Variants in FEZ2 observed in about 807,000 individuals in gnomAD.
FEZ2 encodes fasciculation and elongation protein zeta-2.
Under a neutral mutation model 40.4 loss-of-function variants are expected in FEZ2, and 51 were observed. The ratio of observed to expected loss-of-function variants is 1.26; its 90% confidence interval spans 1.01 to 1.59. The LOEUF is 1.59. Among genes scored for constraint, FEZ2 ranks in the 40% most tolerant of loss-of-function variants. FEZ2 has a pLI of 0.00. For synonymous variants in FEZ2, 242 were observed against 172.0 expected, an observed-to-expected ratio of 1.41 and a Z score of -3.18; for missense variants, 640 against 438.3, an observed-to-expected ratio of 1.46 and a Z score of -4.11.
At chr2:36,577,227 G>C (rs1342252587) in intron 5 of FEZ2, among the ~76,000 whole-genome samples, 2 of 151,180 alleles carry the variant, frequency 1.3e-5, no homozygotes. Context: ...AGATACCTGA[G>C]AACTTTTTTC....
chr2:36,585,852 A>T (rs920966809), intron 2 of FEZ2, among the ~76,000 whole-genome samples: 1 of 152,202 alleles, frequency 6.6e-6, no homozygotes, highest in Non-Finnish European at 1.5e-5. Flanking sequence ...CTAAACCTTC[A>T]CCCTCTGGGT....
intron 1 of FEZ2, among the ~76,000 whole-genome samples, chr2:36,596,700 G>A (rs768051107): frequency 9.2e-5 from 14 of 152,078 alleles, no homozygotes; most frequent in Admixed American, 1.3e-4. Flanking sequence ...ACTGCTGGAA[G>A]CAAGCCATCC....
At position 36,553,141 on chromosome 2, in the gene FEZ2, C is replaced by T. The variant is rs941509308; in HGVS notation, c.*22G>A. ...GCTGTCGGAAATCTAGCTTGGAGCC[C>T]ACCGCAGATAAAGTTGCTGCTCTAT... On this transcript the variant is annotated 3_prime_UTR_variant, in exon 8 of 8. Coordinates refer to ENST00000405912, the MANE Select transcript of FEZ2 (RefSeq NM_005102.3). The T allele has an allele frequency of 1.3e-6, 2 of 1,563,000 alleles. No homozygotes were observed. Among genetic ancestry groups the T allele is most frequent in the Admixed American group, 1.9e-5 (1 of 53,194 alleles).
At chr2:36,590,084 T>C (rs1374708362) in intron 2 of FEZ2, 3 of 152,354 alleles carry the variant, frequency 2.0e-5, no homozygotes, top group African/African-American at 7.2e-5. Context: ...CCACCACTCG[T>C]GCTCACACTT....
intron 5 of FEZ2, among the ~76,000 whole-genome samples, chr2:36,572,402 T>C (rs1668444252): frequency 6.6e-6 from 1 of 152,214 alleles, no homozygotes; most frequent in South Asian, 2.1e-4. Context: ...ATTACAGTAC[T>C]CTTTTTATCT....
intron 1 of FEZ2, chr2:36,591,497 A>T (rs1400891506): frequency 6.6e-6 from 1 of 152,636 alleles, no homozygotes; most frequent in Non-Finnish European, 1.5e-5. Flanking sequence ...AGACCATTTC[A>T]AAAAGTGAAA....
intron 5 of FEZ2, among the ~76,000 whole-genome samples, chr2:36,572,295 C>A (rs1480488008): frequency 6.6e-6 from 1 of 152,158 alleles, no homozygotes; most frequent in Non-Finnish European, 1.5e-5. Context: ...GTGTCACTAT[C>A]ACTCAGGCTG....
At chr2:36,593,902 C>T (rs1379823555) in intron 1 of FEZ2, among the ~76,000 whole-genome samples, 1 of 151,628 alleles carries the variant, frequency 6.6e-6, no homozygotes, top group Admixed American at 6.6e-5. Flanking sequence ...TTATGCTCTG[C>T]TTCCCTTATA....
At position 36,583,422 on chromosome 2, in the gene FEZ2, T is replaced by C. The variant is rs953300621; in HGVS notation, c.423A>G (p.Arg141=). The part of the protein sequence containing the change: ...LFDTSDDEEL[R]EQLDMHSIIV... Reference sequence around the variant, plus strand: ...TGATTGAGTGCATATCCAGCTGTTCTCTCAGCTCTTCATCATCTGATGTAT... The same window carrying C: ...TGATTGAGTGCATATCCAGCTGTTCCCTCAGCTCTTCATCATCTGATGTAT... Residue 141 remains arginine (R), a synonymous_variant, in exon 3 of 8, where the codon AGA becomes AGG. Coordinates refer to ENST00000405912, the MANE Select transcript of FEZ2 (RefSeq NM_005102.3). The C allele has an allele frequency of 6.2e-7, 1 of 1,608,834 alleles. No individual in the cohort carries two copies. Among genetic ancestry groups the C allele is most frequent in the African/African-American group, 1.3e-5 (1 of 74,952 alleles).
intron 5 of FEZ2, among the ~76,000 whole-genome samples, chr2:36,575,378 A>C (rs576818524): frequency 9.9e-5 from 15 of 151,814 alleles, no homozygotes; most frequent in African/African-American, 3.6e-4. Context: ...TTGTAAAGAC[A>C]AGGTCTCACT....
At position 36,598,010 on chromosome 2, in the gene FEZ2, C is replaced by T. The variant is rs1245372917; in HGVS notation, c.133G>A (p.Asp45Asn). The T allele has an allele frequency of 2.7e-6, 4 of 1,496,514 alleles. No individual in the cohort carries two copies. Among genetic ancestry groups the T allele is most frequent in the Non-Finnish European group, 3.5e-6 (4 of 1,128,546 alleles). 92.7% of individuals were successfully genotyped at this position (1,496,514 alleles called of 1,614,324 possible). Residue 45 changes from aspartate (D) to asparagine (N), a missense_variant, in exon 1 of 8, where the codon GAC becomes AAC. Coordinates refer to ENST00000405912, the MANE Select transcript of FEZ2 (RefSeq NM_005102.3). ...EAGAEAGGGA[D>N]GFPAPACSLE... ...CTGCAGGCCGGGGCCGGGAAACCGT[C>T]GGCGCCCCCACCCGCCTCGGCCCCC...
At chr2:36,583,511 A>C in intron 2 of FEZ2, 42 bp from the exon 3 acceptor site, 2 of 1,024,240 alleles carry the variant, frequency 2.0e-6, no homozygotes, top group Non-Finnish European at 3.1e-6. Context: ...GGACATCCTC[A>C]TCAAAACAAA....
At chr2:36,584,634 C>T (rs774573162) in intron 2 of FEZ2, among the ~76,000 whole-genome samples, 22 of 152,144 alleles carry the variant, frequency 1.4e-4, no homozygotes, top group Non-Finnish European at 2.6e-4. Context: ...ACAAGGATTA[C>T]GTAAGAAGCC....
intron 2 of FEZ2, among the ~76,000 whole-genome samples, chr2:36,584,886 T>A (rs1442898269): frequency 6.6e-6 from 1 of 152,158 alleles, no homozygotes; most frequent in Admixed American, 6.5e-5. Flanking sequence ...ACACTGACTT[T>A]CCAACATTAG....
At chr2:36,554,919 T>C (rs1247047666) in intron 7 of FEZ2, among the ~76,000 whole-genome samples, 2 of 152,192 alleles carry the variant, frequency 1.3e-5, no homozygotes, top group East Asian at 3.8e-4. Context: ...CAAAATTTGA[T>C]CAAACACTAC....
chr2:36,588,524 C>T (rs546574878), intron 2 of FEZ2, among the ~76,000 whole-genome samples: 54 of 152,226 alleles, frequency 3.5e-4, no homozygotes, highest in African/African-American at 8.9e-4. Context: ...TGTTCCAGGA[C>T]ACCCCAATAG....
intron 4 of FEZ2, among the ~76,000 whole-genome samples, chr2:36,579,421 G>A (rs1222387606): frequency 6.6e-6 from 1 of 152,188 alleles, no homozygotes; most frequent in Non-Finnish European, 1.5e-5. Context: ...ATGTGATGCT[G>A]GAGGTGGGGC....
chr2:36,581,885 C>CA (rs1343862202), intron 3 of FEZ2, among the ~76,000 whole-genome samples: 3 of 150,874 alleles, frequency 2.0e-5, no homozygotes, highest in African/African-American at 4.9e-5. Flanking sequence ...TACAATAGCA[C>CA]AAAAAAAGTA....
At chr2:36,581,569 C>T in intron 3 of FEZ2, 138 bp from the exon 4 acceptor site, 1 of 691,412 alleles carries the variant, frequency 1.4e-6, no homozygotes, top group Non-Finnish European at 2.4e-6. Flanking sequence ...GGTGTGGATG[C>T]TCCAAATAAT....
Sources: gnomAD v4.1 joint callset for allele counts (sites outside exome capture counted in the v4.1 genomes callset) on GRCh38, gnomAD v4.1.1 for gene constraint, MANE v1.5 for transcripts, NCBI Gene and HGNC (gene_info 2026-07-23, HGNC 2026-07-21) for gene names.